NAALADL2: variants seen among roughly 807,000 people sequenced by gnomAD.
NAALADL2 encodes N-acetylated alpha-linked acidic dipeptidase like 2.
In NAALADL2, 76 loss-of-function variants were observed where a neutral mutation model predicts 87.2. The observed-to-expected ratio is 0.87, with a 90% confidence interval of 0.72 to 1.05. The LOEUF is 1.05. Ranked by LOEUF, NAALADL2 falls within the 50% of genes least tolerant of loss-of-function variation. NAALADL2 has a pLI of 0.00. For missense variants in NAALADL2, 1,089 were observed against 945.8 expected (o/e 1.15, Z -1.99); for synonymous variants, 354 against 331.0 (o/e 1.07, Z -0.75).
chr3:175,044,764 T>C (rs750662512), intron 1 of NAALADL2, among the ~76,000 whole-genome samples: 9 of 152,108 alleles, frequency 5.9e-5, no homozygotes, highest in Non-Finnish European at 1.0e-4. Context: ...AGTATCAAAG[T>C]CTTACAGATT....
chr3:175,006,509 C>G (rs1749041039), intron 1 of NAALADL2, among the ~76,000 whole-genome samples: 2 of 152,100 alleles, frequency 1.3e-5, no homozygotes, highest in South Asian at 4.1e-4. Context: ...GTTGTTTACT[C>G]CAGAACCTTT....
intron 10 of NAALADL2, among the ~76,000 whole-genome samples, chr3:175,610,977 A>G (rs1018114205): frequency 6.6e-6 from 1 of 152,106 alleles, no homozygotes; most frequent in Non-Finnish European, 1.5e-5. Context: ...TGAAGGTGAT[A>G]TCAAGATCCC....
intron 2 of NAALADL2, among the ~76,000 whole-genome samples, chr3:174,709,493 G>A (rs1730419557): frequency 6.6e-6 from 1 of 152,098 alleles, no homozygotes; most frequent in Admixed American, 6.6e-5. Flanking sequence ...CCAAGAAGAT[G>A]ATTCTGGGTT....
chr3:175,315,533 G>A (rs1284462493), intron 4 of NAALADL2, among the ~76,000 whole-genome samples: 1 of 152,200 alleles, frequency 6.6e-6, no homozygotes, highest in East Asian at 1.9e-4. Flanking sequence ...AGAACTTTTA[G>A]GGTAGAAATA....
chr3:174,948,202 A>G (rs1739758477), intron 1 of NAALADL2, among the ~76,000 whole-genome samples: 1 of 144,946 alleles, frequency 6.9e-6, no homozygotes, highest in African/African-American at 2.9e-5. Context: ...TTTGAGATGG[A>G]GTCTTGCTCT....
intron 5 of NAALADL2, among the ~76,000 whole-genome samples, chr3:175,383,714 A>G (rs565899177): frequency 2.6e-5 from 4 of 152,076 alleles, no homozygotes; most frequent in African/African-American, 7.2e-5. Flanking sequence ...CTACACTACA[A>G]TTAAACCAGA....
intron 4 of NAALADL2, among the ~76,000 whole-genome samples, chr3:175,261,706 G>T (rs1238037455): frequency 6.6e-6 from 1 of 151,810 alleles, no homozygotes; most frequent in Non-Finnish European, 1.5e-5. Flanking sequence ...ATTTTAAAGG[G>T]CCAGACATCC....
intron 2 of NAALADL2, among the ~76,000 whole-genome samples, chr3:174,611,897 A>G (rs1283375167): frequency 1.3e-5 from 2 of 151,172 alleles, no homozygotes; most frequent in Admixed American, 1.3e-4. Flanking sequence ...ACCTGAGCAG[A>G]TGATTTCTTA....
chr3:175,642,791 C>T (rs1189922088), intron 11 of NAALADL2, among the ~76,000 whole-genome samples: 11 of 152,118 alleles, frequency 7.2e-5, no homozygotes, highest in African/African-American at 2.7e-4. Context: ...TAAGCCACCG[C>T]GCCCGGCCGC....
At chr3:174,687,415 C>CTTGTTTATTA in intron 2 of NAALADL2, among the ~76,000 whole-genome samples, 1 of 152,068 alleles carries the variant, frequency 6.6e-6, no homozygotes, top group Non-Finnish European at 1.5e-5. Context: ...CAAATGTTTA[C>CTTGTTTATTA]TTGTTTATTA....
chr3:175,454,437 A>T (rs1484892138), intron 6 of NAALADL2, among the ~76,000 whole-genome samples: 1 of 152,014 alleles, frequency 6.6e-6, no homozygotes, highest in African/African-American at 2.4e-5. Flanking sequence ...GGGAGGGGGA[A>T]GTTCAGAACT....
At chr3:174,572,952 A>G (rs1484571879) in intron 2 of NAALADL2, among the ~76,000 whole-genome samples, 1 of 152,182 alleles carries the variant, frequency 6.6e-6, no homozygotes, top group Admixed American at 6.5e-5. Flanking sequence ...TAAGAGACCC[A>G]GAGAAGTTAA....
chr3:175,166,585 T>C (rs147052863), intron 2 of NAALADL2, among the ~76,000 whole-genome samples: 18 of 152,024 alleles, frequency 1.2e-4, no homozygotes, highest in African/African-American at 4.3e-4. Context: ...TTTATTGTGG[T>C]TGGCCATTTC....
At chr3:174,645,379 T>A (rs1723676133) in intron 2 of NAALADL2, among the ~76,000 whole-genome samples, 1 of 152,204 alleles carries the variant, frequency 6.6e-6, no homozygotes. Context: ...AGCTTTGTTT[T>A]AACAAAAGCT....
intron 2 of NAALADL2, among the ~76,000 whole-genome samples, chr3:175,179,616 G>T (rs1736177770): frequency 6.6e-6 from 1 of 151,900 alleles, no homozygotes; most frequent in Admixed American, 6.6e-5. Flanking sequence ...TTAAAAGTTG[G>T]ACTTATAAAA....
chr3:175,736,777 A>G (rs1354059775), intron 11 of NAALADL2, among the ~76,000 whole-genome samples: 7 of 152,232 alleles, frequency 4.6e-5, no homozygotes, highest in Non-Finnish European at 1.0e-4. Flanking sequence ...AAAATTCTTT[A>G]CTCAGTGACA....
rs561934631 is a variant in NAALADL2, at chr3:174,957,788, T to C, written c.43+98338T>C. On this transcript the variant is annotated intron_variant, in intron 1 of 13. Transcript: ENST00000454872. Reference sequence around the variant, plus strand: ...TTTTCAAGAGAATAAGATAGTTCAATGAATTGAATAAAGAAGCTTTGAGGC... The same window carrying C: ...TTTTCAAGAGAATAAGATAGTTCAACGAATTGAATAAAGAAGCTTTGAGGC... Among the ~76,000 whole-genome samples, 69 of 152,094 alleles carry C rather than the reference T, an allele frequency of 4.5e-4. 1 individual carries two copies. The South Asian group carries it at 6.0e-3, about 13-fold the overall frequency.
intron 11 of NAALADL2, among the ~76,000 whole-genome samples, chr3:175,663,438 C>T (rs145274866): frequency 4.9e-4 from 75 of 151,758 alleles, no homozygotes; most frequent in African/African-American, 1.7e-3. Context: ...AATATTCTCT[C>T]TCTATTTTTT....
intron 4 of NAALADL2, among the ~76,000 whole-genome samples, chr3:175,299,342 C>T (rs907123859): frequency 1.3e-5 from 2 of 151,794 alleles, no homozygotes; most frequent in Non-Finnish European, 2.9e-5. Flanking sequence ...TCAGTGGTAG[C>T]TTGATGGGGA....
Sources: allele counts gnomAD v4.1 joint callset (sites outside exome capture counted in the v4.1 genomes callset), GRCh38; gene constraint gnomAD v4.1.1; transcripts MANE v1.5; gene names NCBI Gene and HGNC (gene_info 2026-07-23, HGNC 2026-07-21).